The following WWOX variants were observed in gnomAD, a reference collection of about 807,000 sequenced individuals.
WWOX encodes WW domain containing oxidoreductase, also known as WW domain-containing oxidoreductase.
A neutral mutation model predicts 46.2 loss-of-function variants in WWOX; 69 were observed. That is an observed-to-expected ratio of 1.49 (90% CI 1.23 to 1.82). The LOEUF is 1.82. Ranked by LOEUF, WWOX falls within the 40% of genes most tolerant of loss-of-function variation. The probability of loss-of-function intolerance (pLI) is 0.00; values close to 1 mark genes in which losing one functional copy is unlikely to be tolerated. For synonymous variants in WWOX, 359 were observed against 202.6 expected (o/e 1.77, Z -6.56); for missense variants, 919 against 542.6 (o/e 1.69, Z -6.89).
chr16:78,701,736 G>A (rs766119057), intron 8 of WWOX, among the ~76,000 whole-genome samples: 1 of 151,958 alleles, frequency 6.6e-6, no homozygotes, highest in African/African-American at 2.4e-5. Context: ...CTGCAGTAGG[G>A]GTTCTTTGGG....
At position 78,346,968 on chromosome 16, in the gene WWOX, G is replaced by C. The variant is rs2081104093; in HGVS notation, c.517-39892G>C. Among the ~76,000 whole-genome samples, 2 of 119,138 alleles carry C rather than the reference G, an allele frequency of 1.7e-5. 1 individual carries two copies. Among genetic ancestry groups the C allele is most frequent in the Non-Finnish European group, 4.0e-5 (2 of 50,058 alleles). The allele number at this position is 119,138 out of a possible 152,430, so 78.2% of individuals were successfully genotyped here. Reference sequence around the variant, plus strand: ...TTCAACTCCTGACCTCAGGTGATCTGCCTGCCTCGGCCTCCCAAAGTGCTG... The same window carrying C: ...TTCAACTCCTGACCTCAGGTGATCTCCCTGCCTCGGCCTCCCAAAGTGCTG... On this transcript the variant is annotated intron_variant, in intron 5 of 8. Coordinates refer to ENST00000566780, the MANE Select transcript of WWOX (RefSeq NM_016373.4).
chr16:78,331,532 G>C (rs1002732918), intron 5 of WWOX, among the ~76,000 whole-genome samples: 5 of 152,162 alleles, frequency 3.3e-5, no homozygotes, highest in African/African-American at 1.2e-4. Flanking sequence ...TGACTTCCTT[G>C]TATAGGTACA....
chr16:78,997,586 C>G (rs535656278), intron 8 of WWOX, among the ~76,000 whole-genome samples: 1 of 152,110 alleles, frequency 6.6e-6, no homozygotes, highest in Admixed American at 6.6e-5. Flanking sequence ...ATAAAATTGA[C>G]GCTCGTGTCA....
At position 78,528,007 on chromosome 16, in the gene WWOX, T is replaced by G. The variant is rs527567074; in HGVS notation, c.1056+95255T>G. 6.1e-3 allele frequency among the ~76,000 whole-genome samples: 666 copies of G among 108,316 alleles called. 42 individuals are homozygous for G. The highest frequency in any genetic ancestry group is 0.023 in the African/African-American group (644 of 27,948). 71.1% of individuals were successfully genotyped at this position (108,316 alleles called of 152,430 possible). On this transcript the variant is annotated intron_variant, in intron 8 of 8. Coordinates refer to ENST00000566780, the MANE Select transcript of WWOX (RefSeq NM_016373.4). ...GTACATGTCCTTTTTTTTTTTTTTT[T>G]TTTTTTTTTGAGACGGAGTCTTGCT...
In WWOX at chr16:78,261,792, A is replaced by ATC. The variant is rs1567464721; in HGVS notation, c.516+97504_516+97505insCT. Among the ~76,000 whole-genome samples the ATC allele has an allele frequency of 2.0e-3, 139 of 68,946 alleles. 1 individual carries two copies. Among genetic ancestry groups the ATC allele is most frequent in the Admixed American group, 4.5e-3 (36 of 8,046 alleles). The allele number at this position is 68,946 out of a possible 152,430, so 45.2% of individuals were successfully genotyped here. On this transcript the variant is annotated intron_variant, in intron 5 of 8. Transcript: ENST00000566780. The stretch of plus-strand genomic sequence containing the variant: ...TCTATGTATCTATCTATCTATCTAT[A>ATC]TATATATATATATATATATATATAT...
At chr16:78,232,572 T>C (rs1289487665) in intron 5 of WWOX, among the ~76,000 whole-genome samples, 1 of 152,168 alleles carries the variant, frequency 6.6e-6, no homozygotes, top group African/African-American at 2.4e-5. Flanking sequence ...TCTACAGATT[T>C]TGGGTCAAGA....
rs76883928 is a variant in WWOX at position 79,201,863 on chromosome 16, A to G, written c.1057-9745A>G. The stretch of plus-strand genomic sequence containing the variant: ...CTGTTTTATAAGCTCAGGTGATTTC[A>G]TTTTTGTTCACCTGTTTATTTCATG... On this transcript the variant is annotated intron_variant, in intron 8 of 8. Transcript: ENST00000566780. Among the ~76,000 whole-genome samples the G allele has an allele frequency of 1.8e-3, 272 of 152,276 alleles. 6 individuals are homozygous for G. The East Asian group carries it at 0.045, about 25-fold the overall frequency.
At chr16:78,992,228 C>T (rs1402911554) in intron 8 of WWOX, among the ~76,000 whole-genome samples, 1 of 152,166 alleles carries the variant, frequency 6.6e-6, no homozygotes, top group African/African-American at 2.4e-5. Flanking sequence ...CTTTGTGGAC[C>T]TTTGGTCACC....
intron 8 of WWOX, among the ~76,000 whole-genome samples, chr16:79,208,443 T>TATTA (rs1193761646): frequency 6.6e-6 from 1 of 152,180 alleles, no homozygotes; most frequent in Non-Finnish European, 1.5e-5. Flanking sequence ...GTCAAGGTAT[T>TATTA]ATTATTTATC....
At chr16:78,887,034 T>C (rs1215795689) in intron 8 of WWOX, among the ~76,000 whole-genome samples, 2 of 151,052 alleles carry the variant, frequency 1.3e-5, no homozygotes, top group African/African-American at 4.9e-5. Context: ...TTTCTGAAAT[T>C]GGAAGTGATG....
At chr16:79,043,668 T>C (rs1431244760) in intron 8 of WWOX, among the ~76,000 whole-genome samples, 3 of 152,230 alleles carry the variant, frequency 2.0e-5, no homozygotes, top group Non-Finnish European at 2.9e-5. Context: ...ATTTTTGTCA[T>C]GTAAATAGGA....
chr16:78,102,003 C>T (rs2031826646), intron 1 of WWOX, among the ~76,000 whole-genome samples: 1 of 152,048 alleles, frequency 6.6e-6, no homozygotes, highest in South Asian at 2.1e-4. Flanking sequence ...TCACAGTAAC[C>T]TTCACTTCCT....
At chr16:78,101,538 C>A (rs1374635263) in intron 1 of WWOX, among the ~76,000 whole-genome samples, 6 of 151,916 alleles carry the variant, frequency 3.9e-5, no homozygotes, top group Non-Finnish European at 7.4e-5. Context: ...CCCGGCTGGT[C>A]TCCAACTCCT....
At chr16:78,127,247 A>G (rs932947092) in intron 4 of WWOX, among the ~76,000 whole-genome samples, 4 of 152,100 alleles carry the variant, frequency 2.6e-5, no homozygotes, top group Admixed American at 1.3e-4. Context: ...GGAATTGTCT[A>G]CTCATCATTG....
intron 8 of WWOX, among the ~76,000 whole-genome samples, chr16:79,099,329 C>T (rs550793532): frequency 4.3e-4 from 66 of 152,304 alleles, no homozygotes; most frequent in African/African-American, 1.5e-3. Flanking sequence ...TATGATATAT[C>T]TTTCACATTT....
chr16:79,005,036 A>T (rs376004939), intron 8 of WWOX, among the ~76,000 whole-genome samples: 4 of 152,240 alleles, frequency 2.6e-5, no homozygotes, highest in African/African-American at 9.6e-5. Flanking sequence ...AAAAAGCACA[A>T]ATGTGCTTGT....
At chr16:78,402,474 G>C (rs1294555839) in intron 6 of WWOX, among the ~76,000 whole-genome samples, 1 of 152,160 alleles carries the variant, frequency 6.6e-6, no homozygotes, top group African/African-American at 2.4e-5. Flanking sequence ...TAAACATCAT[G>C]GGTGGGGGGT....
intron 8 of WWOX, among the ~76,000 whole-genome samples, chr16:78,806,271 A>G (rs913616594): frequency 1.3e-5 from 2 of 152,182 alleles, no homozygotes; most frequent in African/African-American, 2.4e-5. Flanking sequence ...TTTGGATATC[A>G]TTGATGAGGG....
intron 4 of WWOX, among the ~76,000 whole-genome samples, chr16:78,132,350 C>T (rs891911552): frequency 6.6e-6 from 1 of 152,068 alleles, no homozygotes; most frequent in Admixed American, 6.5e-5. Context: ...CCTTTATTTC[C>T]AATTATGCAT....
Sources: gnomAD v4.1 joint callset for allele counts (sites outside exome capture counted in the v4.1 genomes callset) on GRCh38, gnomAD v4.1.1 for gene constraint, MANE v1.5 for transcripts, NCBI Gene and HGNC (gene_info 2026-07-23, HGNC 2026-07-21) for gene names.